The following RNF216 variants were observed in gnomAD, a reference collection of about 807,000 sequenced individuals.
RNF216 encodes E3 ubiquitin-protein ligase RNF216.
In RNF216, 72 loss-of-function variants were observed where a neutral mutation model predicts 110.8. That is an observed-to-expected ratio of 0.65 (90% CI 0.54 to 0.79). The LOEUF (loss-of-function observed/expected upper bound fraction) is 0.79. RNF216 is among the 30% of genes least tolerant of loss of function. RNF216 has a pLI of 0.00. For missense variants in RNF216, 1,342 were observed against 1,141.2 expected (o/e 1.18, Z -2.54); for synonymous variants, 495 against 407.5 (o/e 1.21, Z -2.59).
intron 14 of RNF216, among the ~76,000 whole-genome samples, chr7:5,645,200 T>C (rs1254563437): frequency 6.6e-6 from 1 of 152,078 alleles, no homozygotes; most frequent in African/African-American, 2.4e-5. Flanking sequence ...GACTCTGATG[T>C]GTCGTGGTGT....
chr7:5,629,911 T>G (rs1254901480), intron 15 of RNF216, among the ~76,000 whole-genome samples: 2 of 150,928 alleles, frequency 1.3e-5, no homozygotes, highest in African/African-American at 2.4e-5. Flanking sequence ...CCTCATAAGA[T>G]ACTTCTTGGA....
chr7:5,729,544 C>G lies in RNF216; in HGVS notation c.1277G>C (p.Arg426Pro), dbSNP rs202131937. The change falls in exon 7 of 17, where the codon CGC (arginine) becomes CCC (proline). Residue 426 changes from arginine (R) to proline (P), a missense_variant. Transcript: ENST00000389902. ...DYSKLTPLDQ[R>P]CFIQAADLLM... is the part of the protein sequence containing the mutation. ...GAGGTCAGCAGCTTGGATGAAGCAG[C>G]GCTGGTCAAGAGGGGTCAATTTAGA... is the stretch of plus-strand genomic sequence containing the variant. 6.2e-7 allele frequency: 1 copy of G among 1,613,980 alleles called. No homozygotes were observed. Among genetic ancestry groups the G allele is most frequent in the Non-Finnish European group, 8.5e-7 (1 of 1,179,944 alleles).
chr7:5,726,813 G>A (rs1218527304), intron 7 of RNF216, among the ~76,000 whole-genome samples: 12 of 151,404 alleles, frequency 7.9e-5, no homozygotes, highest in Middle Eastern at 3.4e-3. Context: ...AGCTGAGATC[G>A]CGCCACTGCA....
At chr7:5,736,519 T>A (rs1312695527) in intron 5 of RNF216, among the ~76,000 whole-genome samples, 2 of 152,174 alleles carry the variant, frequency 1.3e-5, no homozygotes, top group Non-Finnish European at 2.9e-5. Context: ...GTGCCGAGAT[T>A]TCAGCCTCTG....
chr7:5,712,924 G>A, intron 11 of RNF216, 61 bp from the exon 12 acceptor site: 28 of 1,475,232 alleles, frequency 1.9e-5, no homozygotes, highest in Non-Finnish European at 2.6e-5. Context: ...AAAATAAAAA[G>A]CGTCAGTGGT....
intron 13 of RNF216, among the ~76,000 whole-genome samples, chr7:5,705,251 C>T (rs1232663260): frequency 6.6e-6 from 1 of 152,188 alleles, no homozygotes; most frequent in Non-Finnish European, 1.5e-5. Context: ...GGATGTCTCC[C>T]CTAAAAACTC....
intron 1 of RNF216, among the ~76,000 whole-genome samples, chr7:5,777,892 C>A (rs939134986): frequency 6.6e-6 from 1 of 152,162 alleles, no homozygotes; most frequent in East Asian, 1.9e-4. Flanking sequence ...AGATTTTCTT[C>A]AACTGTCCAA....
intron 1 of RNF216, among the ~76,000 whole-genome samples, chr7:5,763,270 A>T (rs1046774905): frequency 8.0e-4 from 121 of 152,144 alleles, no homozygotes; most frequent in African/African-American, 2.8e-3. Flanking sequence ...GGGTATATGC[A>T]TTTGTCAAAA....
At chr7:5,728,223 C>A (rs918946860) in intron 7 of RNF216, among the ~76,000 whole-genome samples, 1 of 152,174 alleles carries the variant, frequency 6.6e-6, no homozygotes, top group Non-Finnish European at 1.5e-5. Context: ...CTTCTGGAGA[C>A]CCTTGGTCTA....
chr7:5,672,931 T>C (rs941255011), intron 13 of RNF216, among the ~76,000 whole-genome samples: 5 of 152,040 alleles, frequency 3.3e-5, no homozygotes, highest in African/African-American at 1.2e-4. Flanking sequence ...TGTCTTGAAA[T>C]TGGAAAATGT....
intron 13 of RNF216, among the ~76,000 whole-genome samples, chr7:5,709,619 C>T (rs1292702787): frequency 6.6e-6 from 1 of 152,204 alleles, no homozygotes; most frequent in Admixed American, 6.5e-5. Flanking sequence ...GTATATTCCT[C>T]CCATAGACAA....
At position 5,620,120 on chromosome 7, in the gene RNF216, G is replaced by A. The variant is rs534297417; in HGVS notation, c.*2740C>T. 2 of 152,394 alleles carry A rather than the reference G, an allele frequency of 1.3e-5. No individual in the cohort carries two copies. 9.4% of individuals were successfully genotyped at this position (152,394 alleles called of 1,614,324 possible). ...TACAGGCTTTTTACACACAGTAGTT[G>A]AAACGGAATTATTTTATCTATTTTT... On this transcript the variant is annotated 3_prime_UTR_variant, in exon 17 of 17. Transcript: ENST00000389902.
chr7:5,705,717 G>C (rs911774349), intron 13 of RNF216, among the ~76,000 whole-genome samples: 1 of 151,860 alleles, frequency 6.6e-6, no homozygotes, highest in South Asian at 2.1e-4. Flanking sequence ...GAGACCAGAC[G>C]GACCAACATG....
chr7:5,713,961 T>C (rs955107413), intron 11 of RNF216, among the ~76,000 whole-genome samples: 1 of 152,250 alleles, frequency 6.6e-6, no homozygotes, highest in Non-Finnish European at 1.5e-5. Context: ...CAATGCATTC[T>C]GCTTGACTCC....
At position 5,729,574 on chromosome 7, in the gene RNF216, T is replaced by G. The variant is rs746176452; in HGVS notation, c.1247A>C (p.Asp416Ala). 4.3e-6 allele frequency: 7 copies of G among 1,613,830 alleles called. No individual in the cohort carries two copies. The highest frequency in any genetic ancestry group is 5.9e-6 in the Non-Finnish European group (7 of 1,179,906). Residue 416 changes from aspartate (D) to alanine (A), a missense_variant, in exon 7 of 17, where the codon GAC (aspartate) becomes GCC (alanine). Coordinates refer to ENST00000389902, the MANE Select transcript of RNF216 (RefSeq NM_207111.4). ...GTCAAGAGGGGTCAATTTAGAATAGTCAAAAAAGTCTATTTTAGGCAACTG... is the reference window on the plus strand; with the variant it reads ...GTCAAGAGGGGTCAATTTAGAATAGGCAAAAAAGTCTATTTTAGGCAACTG... ...ETKLPKIDFFDYSKLTPLDQR... is the reference protein window; with the variant it reads ...ETKLPKIDFFAYSKLTPLDQR...
intron 3 of RNF216, 36 bp downstream of exon 3, chr7:5,752,810 C>CA: frequency 6.2e-7 from 1 of 1,601,770 alleles, no homozygotes; most frequent in Non-Finnish European, 8.5e-7. Context: ...CACCAACTTG[C>CA]AATAATGTCT....
intron 5 of RNF216, among the ~76,000 whole-genome samples, chr7:5,736,489 G>A (rs1182324758): frequency 6.6e-6 from 1 of 152,138 alleles, no homozygotes; most frequent in African/African-American, 2.4e-5. Flanking sequence ...CCTCCCAGCC[G>A]CCTGCCTTGG....
chr7:5,655,714 GCT>G (rs769668598), intron 13 of RNF216, among the ~76,000 whole-genome samples: 2 of 148,356 alleles, frequency 1.3e-5, no homozygotes, highest in Admixed American at 1.3e-4. Context: ...AACATTTGGA[GCT>G]CTCTCTGTGT....
chr7:5,767,360 T>C (rs906486456), intron 1 of RNF216, among the ~76,000 whole-genome samples: 1 of 152,222 alleles, frequency 6.6e-6, no homozygotes, highest in Admixed American at 6.6e-5. Context: ...GCAATTTCAA[T>C]GGGCTGAGGA....
Sources: gnomAD v4.1 joint callset for allele counts (sites outside exome capture counted in the v4.1 genomes callset) on GRCh38, gnomAD v4.1.1 for gene constraint, MANE v1.5 for transcripts, NCBI Gene and HGNC (gene_info 2026-07-23, HGNC 2026-07-21) for gene names.